The following ARMC2 variants were observed in gnomAD, a reference collection of about 807,000 sequenced individuals.
The protein encoded by ARMC2 is armadillo repeat containing 2.
In ARMC2, 67 loss-of-function variants were observed where a neutral mutation model predicts 90.3. The ratio of observed to expected loss-of-function variants is 0.74; its 90% CI spans 0.61 to 0.91. The LOEUF (loss-of-function observed/expected upper bound fraction) is 0.91, where lower values mean the gene tolerates loss of function less well. Among genes scored for constraint, ARMC2 ranks in the 40% least tolerant of loss-of-function variants. ARMC2 has a pLI of 0.00. For missense variants in ARMC2, 920 were observed against 1,030.9 expected (o/e 0.89, Z 1.47); for synonymous variants, 393 against 393.0 (o/e 1.00, Z 0.00).
chr6:108,902,136 TTACTC>T, intron 7 of ARMC2, among the ~76,000 whole-genome samples: 1 of 152,348 alleles, frequency 6.6e-6, no homozygotes. Context: ...GGGATAGAAG[TTACTC>T]TGAGATTATG....
chr6:108,925,176 G>A (rs1774990156), intron 10 of ARMC2, among the ~76,000 whole-genome samples: 1 of 152,176 alleles, frequency 6.6e-6, no homozygotes, highest in African/African-American at 2.4e-5. Context: ...ACATAGACAA[G>A]TTAGCCTGAG....
At chr6:109,021,450 G>A in the ARMC2 span, among the ~76,000 whole-genome samples, 5 of 151,918 alleles carry the variant, frequency 3.3e-5, no homozygotes, top group Non-Finnish European at 7.4e-5. Context: ...GTCATATCTT[G>A]CCTCATCCTT....
the ARMC2 span, chr6:109,000,713 C>T: frequency 7.1e-6 from 10 of 1,416,380 alleles, no homozygotes; most frequent in Middle Eastern, 1.9e-4. Context: ...AATATTAAAA[C>T]CTTGAACTAC....
Position 108,953,195 on chromosome 6 carries a change from C to T in ARMC2, c.1759C>T (p.Arg587Ter), listed in dbSNP as rs368035334. The change falls in exon 13 of 18, where the codon CGA becomes TGA. Residue 587 changes from arginine to a stop codon, truncating the protein, a stop_gained. Transcript: ENST00000392644. LOFTEE classifies it high-confidence loss of function. ...DLHSQKPVGQ[R>*]GEQHRAQRPP... is the part of the protein sequence containing the mutation. ...GCATTCCCAGAAGCCGGTGGGCCAA[C>T]GAGGCGAGCAGCACAGGGCGCAGAG... is the stretch of plus-strand genomic sequence containing the variant. The T allele has an allele frequency of 1.1e-5, 17 of 1,614,064 alleles. No individual in the cohort carries two copies. The highest frequency in any genetic ancestry group is 4.5e-5 in the East Asian group (2 of 44,894).
At chr6:108,975,564 C>A (rs1166550269), downstream of ARMC2, among the ~76,000 whole-genome samples, 1 of 152,172 alleles carries the variant, frequency 6.6e-6, no homozygotes, top group African/African-American at 2.4e-5. Context: ...AGTTCTAGAT[C>A]CTTGAGGAAT....
At chr6:108,954,424 A>G (rs1777417367) in intron 13 of ARMC2, among the ~76,000 whole-genome samples, 1 of 152,148 alleles carries the variant, frequency 6.6e-6, no homozygotes, top group Non-Finnish European at 1.5e-5. Flanking sequence ...GGAGTTTAAG[A>G]CCAGCCTGGC....
At chr6:108,983,179 C>T in the ARMC2 span, among the ~76,000 whole-genome samples, 1 of 152,158 alleles carries the variant, frequency 6.6e-6, no homozygotes, top group Non-Finnish European at 1.5e-5. Flanking sequence ...GGATATTAAC[C>T]TCTTATCAAA....
intron 11 of ARMC2, among the ~76,000 whole-genome samples, chr6:108,930,039 A>G (rs1289915902): frequency 6.6e-6 from 1 of 151,554 alleles, no homozygotes; most frequent in Non-Finnish European, 1.5e-5. Context: ...AGGTGGAAAG[A>G]TTGCTTGAGT....
At chr6:109,001,271 A>G in the ARMC2 span, 1 of 1,605,836 alleles carries the variant, frequency 6.2e-7, no homozygotes, top group Non-Finnish European at 8.5e-7. Flanking sequence ...ACAATTTTTC[A>G]CTGAATGTTT....
chr6:109,016,903 A>G, the ARMC2 span, among the ~76,000 whole-genome samples: 1 of 152,168 alleles, frequency 6.6e-6, no homozygotes, highest in African/African-American at 2.4e-5. Context: ...AAATACTAAA[A>G]TAGTATTTTA....
chr6:108,946,762 G>A (rs1238681700), intron 12 of ARMC2, among the ~76,000 whole-genome samples: 1 of 152,094 alleles, frequency 6.6e-6, no homozygotes, highest in East Asian at 1.9e-4. Flanking sequence ...CCTTTACTTA[G>A]TGGAAGCAGT....
chr6:109,038,877 T>G, the ARMC2 span, among the ~76,000 whole-genome samples: 2 of 109,212 alleles, frequency 1.8e-5, no homozygotes, highest in Non-Finnish European at 1.9e-5. Context: ...GAAGAAGAAA[T>G]GAAGAGGAAA....
the ARMC2 span, chr6:109,001,350 G>T: frequency 1.2e-6 from 2 of 1,613,836 alleles, no homozygotes; most frequent in Non-Finnish European, 1.7e-6. Context: ...AGTAGATAGT[G>T]CTGAGTTTTT....
At chr6:109,009,549 G>T in the ARMC2 span, 6 of 994,890 alleles carry the variant, frequency 6.0e-6, no homozygotes, top group Middle Eastern at 4.0e-4. Context: ...CAGTCAGCAC[G>T]GACGGCGGGG....
intron 11 of ARMC2, among the ~76,000 whole-genome samples, chr6:108,929,775 G>A (rs752286635): frequency 5.3e-5 from 8 of 152,144 alleles, no homozygotes; most frequent in Non-Finnish European, 1.2e-4. Flanking sequence ...GAGCCACTCT[G>A]CCTGGCCTTC....
In ARMC2 at chr6:108,876,245, A is replaced by G; in HGVS notation, c.566A>G (p.Lys189Arg). ...AAATCAAATGCTATTTGCCACTTAA[A>G]GAGTCACCCACTTCAGCTAACTGAT... ...LTKSNAICHL[K>R]SHPLQLTDDG... The change falls in exon 5 of 18, where the codon AAG (lysine) becomes AGG (arginine). Residue 189 changes from lysine (K) to arginine (R), a missense_variant. Transcript: ENST00000392644. 3 of 1,613,290 alleles carry G rather than the reference A, an allele frequency of 1.9e-6. No individual in the cohort carries two copies. In the South Asian group the frequency reaches 3.3e-5, roughly 18 times the overall value.
intron 11 of ARMC2, among the ~76,000 whole-genome samples, chr6:108,934,840 C>A (rs1298347658): frequency 6.6e-6 from 1 of 152,036 alleles, no homozygotes; most frequent in Non-Finnish European, 1.5e-5. Context: ...CTAATTATGT[C>A]CCCTTTTATT....
At chr6:108,878,013 G>A (rs951158393) in intron 5 of ARMC2, among the ~76,000 whole-genome samples, 3 of 152,132 alleles carry the variant, frequency 2.0e-5, no homozygotes, top group Non-Finnish European at 2.9e-5. Flanking sequence ...TTAACTTTCA[G>A]TAACATTTTT....
At chr6:108,898,393 G>T (rs901029119) in intron 6 of ARMC2, among the ~76,000 whole-genome samples, 2 of 152,124 alleles carry the variant, frequency 1.3e-5, no homozygotes, top group East Asian at 3.8e-4. Context: ...ATTGGTACCA[G>T]GTCCACCCTG....
Sources: gnomAD v4.1 joint callset for allele counts (sites outside exome capture counted in the v4.1 genomes callset) on GRCh38, gnomAD v4.1.1 for gene constraint, MANE v1.5 for transcripts, NCBI Gene and HGNC (gene_info 2026-07-23, HGNC 2026-07-21) for gene names.